The following CTIF variants were observed in gnomAD, a reference collection of about 807,000 sequenced individuals.
CTIF encodes CBP80/20-dependent translation initiation factor.
A neutral mutation model predicts 66.0 loss-of-function variants in CTIF; 21 were observed. The observed-to-expected ratio is 0.32, with a 90% CI of 0.23 to 0.46. The LOEUF (loss-of-function observed/expected upper bound fraction) is 0.46, where lower values mean the gene tolerates loss of function less well. CTIF is among the 20% of genes least tolerant of loss of function. The pLI, the probability that CTIF is intolerant of heterozygous loss-of-function variation, is 1.00. For missense variants in CTIF, 739 were observed against 812.7 expected, an observed-to-expected ratio of 0.91 and a Z score of 1.10; for synonymous variants, 345 against 326.4, an observed-to-expected ratio of 1.06 and a Z score of -0.62.
intron 10 of CTIF, among the ~76,000 whole-genome samples, chr18:48,832,844 C>T (rs572381142): frequency 3.7e-4 from 56 of 152,330 alleles, no homozygotes; most frequent in South Asian, 6.2e-4. Flanking sequence ...CAAAACCCTG[C>T]TGAAAACAAT....
intron 1 of CTIF, among the ~76,000 whole-genome samples, chr18:48,574,240 T>C (rs2089482102): frequency 1.3e-5 from 2 of 152,354 alleles, no homozygotes; most frequent in Middle Eastern, 3.4e-3. Flanking sequence ...GGGGATAAAT[T>C]TATTTTTCTT....
chr18:48,545,138 C>T (rs1477998057), intron 1 of CTIF, among the ~76,000 whole-genome samples: 4 of 152,238 alleles, frequency 2.6e-5, no homozygotes, highest in Admixed American at 6.5e-5. Flanking sequence ...GCATGGCGTG[C>T]GCAGGGTGTG....
intron 6 of CTIF, among the ~76,000 whole-genome samples, chr18:48,708,815 C>T (rs983787252): frequency 1.3e-5 from 2 of 152,218 alleles, no homozygotes; most frequent in Non-Finnish European, 2.9e-5. Context: ...ATTCTGTCTT[C>T]CTTCCATGGC....
chr18:48,643,150 G>A (rs1417530325), intron 3 of CTIF, among the ~76,000 whole-genome samples: 1 of 152,114 alleles, frequency 6.6e-6, no homozygotes, highest in African/African-American at 2.4e-5. Context: ...GGAACTCAAG[G>A]ATTAAACTTG....
intron 9 of CTIF, among the ~76,000 whole-genome samples, chr18:48,764,975 C>T (rs1909382572): frequency 6.6e-6 from 1 of 152,234 alleles, no homozygotes; most frequent in Admixed American, 6.5e-5. Flanking sequence ...ACACCTGAAC[C>T]ACATCTGGCT....
At chr18:48,733,016 A>T (rs966022794) in intron 7 of CTIF, among the ~76,000 whole-genome samples, 1 of 152,204 alleles carries the variant, frequency 6.6e-6, no homozygotes, top group Non-Finnish European at 1.5e-5. Context: ...CAGAAAAAGA[A>T]GGAGGAGGAG....
At chr18:48,798,793 C>T (rs1181629678) in intron 9 of CTIF, among the ~76,000 whole-genome samples, 1 of 152,192 alleles carries the variant, frequency 6.6e-6, no homozygotes, top group Non-Finnish European at 1.5e-5. Flanking sequence ...ATTTTGCCTC[C>T]AGCAGACACT....
chr18:48,648,481 A>ACACACACACG (rs1211511310), intron 3 of CTIF, among the ~76,000 whole-genome samples: 19 of 150,942 alleles, frequency 1.3e-4, no homozygotes, highest in Admixed American at 1.2e-3. Flanking sequence ...ACACACACAC[A>ACACACACACG]CACACACGCA....
intron 6 of CTIF, among the ~76,000 whole-genome samples, chr18:48,684,225 G>A (rs370278248): frequency 6.6e-6 from 1 of 152,136 alleles, no homozygotes; most frequent in African/African-American, 2.4e-5. Context: ...GGGGAGGTGG[G>A]CCCCAAACAC....
rs550095321 is a variant in CTIF, at chr18:48,744,916, G to A, written c.585-13003G>A. ...TGGCTCACTGCAAGCTCCGCCTCCC[G>A]GATTCATGCCATTCTCCTGCCTCAG... On this transcript the variant is annotated intron_variant, in intron 7 of 11. Coordinates refer to ENST00000256413, the MANE Select transcript of CTIF (RefSeq NM_014772.3). Among the ~76,000 whole-genome samples the A allele has an allele frequency of 1.1e-4, 16 of 151,732 alleles. No homozygotes were observed. The South Asian group carries it at 2.1e-3, about 20-fold the overall frequency.
intron 3 of CTIF, among the ~76,000 whole-genome samples, chr18:48,658,867 G>C (rs1258958719): frequency 1.3e-5 from 2 of 152,188 alleles, no homozygotes; most frequent in Non-Finnish European, 2.9e-5. Context: ...CCCAGGGCAA[G>C]TGGGCCCTGG....
chr18:48,625,688 C>A (rs554681302), intron 2 of CTIF, among the ~76,000 whole-genome samples: 1 of 152,188 alleles, frequency 6.6e-6, no homozygotes, highest in African/African-American at 2.4e-5. Flanking sequence ...TGGGCTTGCA[C>A]ATCTGCTGTG....
At chr18:48,717,066 C>T (rs1223802336) in intron 7 of CTIF, among the ~76,000 whole-genome samples, 1 of 152,164 alleles carries the variant, frequency 6.6e-6, no homozygotes, top group African/African-American at 2.4e-5. Flanking sequence ...TGCGATTGAC[C>T]GTGACTGTGA....
At chr18:48,668,165 G>A (rs2091466235) in intron 5 of CTIF, among the ~76,000 whole-genome samples, 1 of 152,266 alleles carries the variant, frequency 6.6e-6, no homozygotes, top group African/African-American at 2.4e-5. Flanking sequence ...GCCTCCACCT[G>A]CCCACCCCCA....
At chr18:48,698,184 G>A (rs182651506) in intron 6 of CTIF, among the ~76,000 whole-genome samples, 6 of 128,556 alleles carry the variant, frequency 4.7e-5, no homozygotes, top group African/African-American at 1.7e-4. Context: ...GGGAGCACTT[G>A]AAGGGAACAC....
chr18:48,770,023 C>G (rs905114233), intron 9 of CTIF, among the ~76,000 whole-genome samples: 1 of 152,226 alleles, frequency 6.6e-6, no homozygotes, highest in Non-Finnish European at 1.5e-5. Flanking sequence ...GAGTGCTAAG[C>G]CTGTGGTTCT....
intron 9 of CTIF, among the ~76,000 whole-genome samples, chr18:48,770,280 A>T (rs1909977021): frequency 1.3e-5 from 2 of 152,178 alleles, no homozygotes; most frequent in Admixed American, 6.5e-5. Flanking sequence ...CTTCCTGCAA[A>T]ACCAAGTGCC....
At chr18:48,852,125 T>C (rs2069216015) in intron 10 of CTIF, among the ~76,000 whole-genome samples, 1 of 150,186 alleles carries the variant, frequency 6.7e-6, no homozygotes, top group Non-Finnish European at 1.5e-5. Flanking sequence ...TCCCAGTTAC[T>C]TGGGAGGCTG....
chr18:48,735,578 G>A (rs557359974), intron 7 of CTIF, among the ~76,000 whole-genome samples: 1 of 152,146 alleles, frequency 6.6e-6, no homozygotes, highest in African/African-American at 2.4e-5. Flanking sequence ...AAGCTAAAAG[G>A]GGAAAGAGGG....
Sources: gnomAD v4.1 joint callset for allele counts (sites outside exome capture counted in the v4.1 genomes callset) on GRCh38, gnomAD v4.1.1 for gene constraint, MANE v1.5 for transcripts, NCBI Gene and HGNC (gene_info 2026-07-23, HGNC 2026-07-21) for gene names.